Variants in HDAC4 observed in about 807,000 individuals in gnomAD.
HDAC4 encodes histone deacetylase 4.
Under a neutral mutation model 135.1 loss-of-function variants are expected in HDAC4, and 16 were observed. That is an observed-to-expected ratio of 0.12 (90% CI 0.08 to 0.18). The LOEUF is 0.18. HDAC4 is among the 10% of genes least tolerant of loss of function. The pLI, the probability that HDAC4 is intolerant of heterozygous loss-of-function variation, is 1.00. For missense variants in HDAC4, 1,143 were observed against 1,511.8 expected (o/e 0.76, Z 4.05); for synonymous variants, 685 against 653.4 (o/e 1.05, Z -0.74).
intron 9 of HDAC4, among the ~76,000 whole-genome samples, chr2:239,137,760 A>G (rs2041076684): frequency 6.6e-6 from 1 of 152,158 alleles, no homozygotes. Context: ...CCAACTCTAG[A>G]GATACTGAAA....
At chr2:239,055,957 G>A (rs1270723753) in intron 24 of HDAC4, among the ~76,000 whole-genome samples, 1 of 152,208 alleles carries the variant, frequency 6.6e-6, no homozygotes, top group Non-Finnish European at 1.5e-5. Context: ...GACGCACGAC[G>A]ACGTGTCAAA....
chr2:239,311,749 G>A (rs899660962), intron 2 of HDAC4, among the ~76,000 whole-genome samples: 2 of 152,302 alleles, frequency 1.3e-5, no homozygotes, highest in East Asian at 1.9e-4. Flanking sequence ...CGAAGCTCCC[G>A]TGCTTTTTAA....
chr2:239,162,632 T>C lies in HDAC4; in HGVS notation c.611+1171A>G, dbSNP rs548199850. 3.4e-3 allele frequency among the ~76,000 whole-genome samples: 521 copies of C among 152,256 alleles called. 2 individuals carry two copies. Among genetic ancestry groups the C allele is most frequent in the African/African-American group, 0.012 (504 of 41,572 alleles). ...CACTGCTGTCACGTGCTGCCTCCCA[T>C]GGACGCCGGTCTCACTCCTCCTTGC... On this transcript the variant is annotated intron_variant, in intron 6 of 26. Coordinates refer to ENST00000543185, the MANE Select transcript of HDAC4 (RefSeq NM_001378414.1).
At chr2:239,063,961 C>T (rs115885636) in intron 24 of HDAC4, among the ~76,000 whole-genome samples, 2,574 of 152,274 alleles carry the variant, frequency 0.017, 91 homozygotes, top group African/African-American at 0.059. Context: ...TCAGCGGCTG[C>T]GCATGGTCAC....
At chr2:239,237,562 A>G (rs77898962) in intron 2 of HDAC4, among the ~76,000 whole-genome samples, 392 of 150,388 alleles carry the variant, frequency 2.6e-3, no homozygotes, top group African/African-American at 9.1e-3. Context: ...AACGACTAAC[A>G]TCAGGTCAAA....
intron 3 of HDAC4, among the ~76,000 whole-genome samples, chr2:239,206,847 CTAA>C (rs1274540548): frequency 6.6e-6 from 1 of 152,096 alleles, no homozygotes; most frequent in Non-Finnish European, 1.5e-5. Context: ...TAAAAATCTG[CTAA>C]TAATAAAGAA....
intron 5 of HDAC4, among the ~76,000 whole-genome samples, chr2:239,175,267 G>A (rs2043687562): frequency 6.6e-6 from 1 of 152,220 alleles, no homozygotes; most frequent in Admixed American, 6.5e-5. Context: ...AGTGAGCCAA[G>A]GGCTCTTTTA....
intron 12 of HDAC4, among the ~76,000 whole-genome samples, chr2:239,119,396 G>A (rs2039427485): frequency 6.6e-6 from 1 of 152,162 alleles, no homozygotes; most frequent in Non-Finnish European, 1.5e-5. Flanking sequence ...AGGTGTGGAA[G>A]GAAAAGCAAC....
At chr2:239,341,006 C>T (rs1692263579) in intron 2 of HDAC4, among the ~76,000 whole-genome samples, 1 of 152,210 alleles carries the variant, frequency 6.6e-6, no homozygotes, top group South Asian at 2.1e-4. Flanking sequence ...CCATTACCAT[C>T]AAGGACTCGG....
intron 1 of HDAC4, among the ~76,000 whole-genome samples, chr2:239,399,471 T>C (rs947883290): frequency 2.6e-5 from 4 of 152,128 alleles, no homozygotes; most frequent in African/African-American, 9.7e-5. Context: ...ACACCAGCCT[T>C]CTTTGGACAG....
chr2:239,070,642 G>T (rs961767027), intron 22 of HDAC4, among the ~76,000 whole-genome samples: 1 of 152,186 alleles, frequency 6.6e-6, no homozygotes, highest in Admixed American at 6.5e-5. Flanking sequence ...CTTTCCTGGC[G>T]GACAGCAAGG....
intron 8 of HDAC4, among the ~76,000 whole-genome samples, chr2:239,143,237 T>G (rs1243826546): frequency 6.7e-6 from 1 of 150,124 alleles, no homozygotes; most frequent in East Asian, 2.0e-4. Context: ...TGCTGAAGAC[T>G]CCGTCTCACC....
chr2:239,231,179 T>C (rs2047529824), intron 3 of HDAC4, among the ~76,000 whole-genome samples: 1 of 152,210 alleles, frequency 6.6e-6, no homozygotes, highest in South Asian at 2.1e-4. Flanking sequence ...CTCTGACAGA[T>C]ACACGTTTCC....
intron 2 of HDAC4, among the ~76,000 whole-genome samples, chr2:239,348,524 C>G (rs746530143): frequency 2.0e-5 from 3 of 152,162 alleles, no homozygotes; most frequent in Admixed American, 6.5e-5. Context: ...GAGAACTGTC[C>G]TTGGAGGAAA....
At chr2:239,378,674 C>A (rs1272072020) in intron 1 of HDAC4, among the ~76,000 whole-genome samples, 11 of 151,822 alleles carry the variant, frequency 7.2e-5, no homozygotes, top group Non-Finnish European at 1.6e-4. Context: ...GAACCAATGA[C>A]CCCGGGAACC....
rs67188784 is a variant in HDAC4 at position 239,075,223 on chromosome 2, CAAAAAAAAAAAA to C, written c.2750+5860_2750+5871del. 3.5e-4 allele frequency among the ~76,000 whole-genome samples: 11 copies of C among 31,782 alleles called. No homozygotes were observed. In the South Asian group the frequency reaches 5.8e-3, roughly 17 times the overall value. The allele number at this position is 31,782 out of a possible 152,430, so 20.9% of individuals were successfully genotyped here. A position where few individuals can be genotyped will look rare whatever the true frequency, so the allele number is the denominator to read the frequency against. ...TGGGCGACAGAATGAGACTCCGTCT[CAAAAAAAAAAAA>C]AAAAAAAAAAAAAAAAAGAACTCAG... On this transcript the variant is annotated intron_variant, in intron 22 of 26. Coordinates refer to ENST00000543185, the MANE Select transcript of HDAC4 (RefSeq NM_001378414.1).
intron 7 of HDAC4, among the ~76,000 whole-genome samples, chr2:239,152,274 A>T (rs1236843122): frequency 6.6e-6 from 1 of 152,012 alleles, no homozygotes; most frequent in Non-Finnish European, 1.5e-5. Flanking sequence ...GGAAAGATCC[A>T]GCGTCCTATG....
At chr2:239,291,226 T>G (rs2051473297) in intron 2 of HDAC4, among the ~76,000 whole-genome samples, 1 of 152,190 alleles carries the variant, frequency 6.6e-6, no homozygotes, top group South Asian at 2.1e-4. Context: ...ATGACAAAAC[T>G]GAAAAGCATG....
chr2:239,392,450 G>A (rs528623861), intron 1 of HDAC4, among the ~76,000 whole-genome samples: 1 of 152,280 alleles, frequency 6.6e-6, no homozygotes, highest in East Asian at 1.9e-4. Context: ...TATAGTAGAG[G>A]GGGTTTTAAT....
Sources: gnomAD v4.1 joint callset for allele counts (sites outside exome capture counted in the v4.1 genomes callset) on GRCh38, gnomAD v4.1.1 for gene constraint, MANE v1.5 for transcripts, NCBI Gene and HGNC (gene_info 2026-07-23, HGNC 2026-07-21) for gene names.